The following SOHLH1 variants were observed in gnomAD, a reference collection of about 807,000 sequenced individuals.
SOHLH1 encodes the protein spermatogenesis- and oogenesis-specific basic helix-loop-helix-containing protein 1.
A neutral mutation model predicts 36.2 loss-of-function variants in SOHLH1; 23 were observed. The ratio of observed to expected loss-of-function variants is 0.64; its 90% CI spans 0.46 to 0.90. The LOEUF (loss-of-function observed/expected upper bound fraction) is 0.90, where lower values mean the gene tolerates loss of function less well. Ranked by LOEUF, SOHLH1 falls within the 40% of genes least tolerant of loss-of-function variation. SOHLH1 has a pLI of 0.00. For synonymous variants in SOHLH1, 289 were observed against 228.3 expected (o/e 1.27, Z -2.40); for missense variants, 608 against 517.0 (o/e 1.18, Z -1.71).
rs1834951803 is a variant in SOHLH1 at position 135,699,436 on chromosome 9, T to A, written c.32A>T (p.Glu11Val). 6.2e-7 allele frequency: 1 copy of A among 1,612,186 alleles called. No individual in the cohort carries two copies. The highest frequency in any genetic ancestry group is 8.5e-7 in the Non-Finnish European group (1 of 1,179,816). Residue 11 changes from glutamate to valine, a missense_variant, in exon 1 of 8, where the codon GAG becomes GTG. Glu to Val is a moderately radical substitution (Grantham distance 121). Transcript: ENST00000425225. MASRCSEPYP[E>V]VSRIPTVRGC... ...CCTGACGGTAGGGATTCTGGAGACCTCCGGGTAGGGCTCGGAGCACCGGGA... is the reference window on the plus strand; with the variant it reads ...CCTGACGGTAGGGATTCTGGAGACCACCGGGTAGGGCTCGGAGCACCGGGA...
chr9:135,698,624 A>G (rs1834905764), intron 2 of SOHLH1, 148 bp from the exon 3 acceptor site: 1 of 1,203,526 alleles, frequency 8.3e-7, no homozygotes, highest in Non-Finnish European at 1.2e-6. Context: ...CGTGGTCTGA[A>G]GCCCCGAGAT....
At chr9:135,695,958 G>A (rs1392126646) in intron 5 of SOHLH1, among the ~76,000 whole-genome samples, 1 of 152,196 alleles carries the variant, frequency 6.6e-6, no homozygotes, top group African/African-American at 2.4e-5. Flanking sequence ...GGGCAGATGG[G>A]GCGCCCCGGG....
chr9:135,697,149 C>T (rs1455418692), intron 4 of SOHLH1, among the ~76,000 whole-genome samples: 1 of 152,230 alleles, frequency 6.6e-6, no homozygotes, highest in African/African-American at 2.4e-5. Flanking sequence ...ACCAAATTAT[C>T]TTGACTTCAG....
At chr9:135,696,515 C>CG (rs1333121890) in intron 5 of SOHLH1, 97 bp downstream of exon 5, 2 of 1,424,690 alleles carry the variant, frequency 1.4e-6, no homozygotes, top group African/African-American at 2.9e-5. Flanking sequence ...AACTTCGAAC[C>CG]CCGTTTGCAA....
In SOHLH1 at chr9:135,696,673, C is replaced by A. The variant is rs374493888; in HGVS notation, c.600G>T (p.Thr200=). The A allele has an allele frequency of 6.2e-7, 1 of 1,612,908 alleles. No individual in the cohort carries two copies. Among genetic ancestry groups the A allele is most frequent in the South Asian group, 1.1e-5 (1 of 91,060 alleles). Residue 200 remains threonine, a synonymous_variant, in exon 5 of 8, where the codon ACG becomes ACT. Coordinates refer to ENST00000425225, the MANE Select transcript of SOHLH1 (RefSeq NM_001101677.2). ...WDPASCTSLG[T]DKCEALLGLC... ...GCCCCAACAGTGCCTCACACTTGTCCGTGCCCAGGGACGTGCAGCTCGCGG... is the reference window on the plus strand; with the variant it reads ...GCCCCAACAGTGCCTCACACTTGTCAGTGCCCAGGGACGTGCAGCTCGCGG...
chr9:135,697,961 G>A (rs928039705), intron 3 of SOHLH1, among the ~76,000 whole-genome samples: 3 of 64,938 alleles, frequency 4.6e-5, no homozygotes, highest in Non-Finnish European at 1.1e-4. Context: ...CCTTGGAGAG[G>A]GGAGAGGAGC....
chr9:135,693,759 A>T lies in SOHLH1; in HGVS notation c.1002T>A (p.Ser334Arg). The part of the protein sequence containing the change: ...SGPAWAPAES[S>R]PLDVGEPGFL... ...AGCCTGGCTCTCCAACATCCAGTGG[A>T]CTGCTCTCAGCTGGGGCCCATGCAG... Residue 334 changes from serine to arginine, a missense_variant, in exon 8 of 8, where the codon AGT becomes AGA. Physicochemically the swap from Ser to Arg is moderately radical, Grantham distance 110. Coordinates refer to ENST00000425225, the MANE Select transcript of SOHLH1 (RefSeq NM_001101677.2). The T allele has an allele frequency of 6.3e-7, 1 of 1,579,906 alleles. No individual in the cohort carries two copies. Among genetic ancestry groups the T allele is most frequent in the Non-Finnish European group, 8.6e-7 (1 of 1,163,820 alleles).
intron 7 of SOHLH1, chr9:135,694,154 C>T (rs545889226): frequency 1.4e-5 from 20 of 1,435,734 alleles, no homozygotes; most frequent in Middle Eastern, 2.6e-4. Flanking sequence ...CTCCAAGCAC[C>T]GCCAGCTCTC....
At chr9:135,697,925 C>G (rs1834872127) in intron 3 of SOHLH1, among the ~76,000 whole-genome samples, 1 of 151,744 alleles carries the variant, frequency 6.6e-6, no homozygotes, top group Non-Finnish European at 1.5e-5. Context: ...CCCCAGCACT[C>G]ACGGGGTCAG....
At chr9:135,698,155 G>A (rs998385282) in intron 3 of SOHLH1, among the ~76,000 whole-genome samples, 174 bp downstream of exon 3, 1 of 152,184 alleles carries the variant, frequency 6.6e-6, no homozygotes, top group Non-Finnish European at 1.5e-5. Flanking sequence ...ATAACAACAG[G>A]TAAGGCTTGA....
rs1834679913 is a variant in SOHLH1, at chr9:135,693,693, G to C, written c.1068C>G (p.Asp356Glu). Residue 356 changes from aspartate to glutamate, a missense_variant, in exon 8 of 8, where the codon GAC becomes GAG. Physicochemically the swap from Asp to Glu is conservative, Grantham distance 45. Transcript: ENST00000425225. ...DPELGSQELQDSPLEPWGLDV... is the reference protein window; with the variant it reads ...DPELGSQELQESPLEPWGLDV... ...CCAGGCCCCACGGCTCCAGAGGGCT[G>C]TCCTGGAGCTCCTGGGAGCCAAGCT... 4.4e-6 allele frequency: 7 copies of C among 1,578,758 alleles called. No individual in the cohort carries two copies. The highest frequency in any genetic ancestry group is 6.0e-6 in the Non-Finnish European group (7 of 1,163,180).
chr9:135,694,775 G>A (rs905801725), intron 6 of SOHLH1, among the ~76,000 whole-genome samples: 4 of 130,830 alleles, frequency 3.1e-5, no homozygotes, highest in Admixed American at 2.5e-4. Context: ...ATGTGCTCAC[G>A]AAACACAAAC....
chr9:135,695,532 G>A (rs1165190302), intron 5 of SOHLH1, among the ~76,000 whole-genome samples: 2 of 152,134 alleles, frequency 1.3e-5, no homozygotes, highest in East Asian at 3.9e-4. Context: ...CAGCCGCAAG[G>A]GGCTTGGATC....
At chr9:135,699,929 G>A (rs1834975126), upstream of SOHLH1, among the ~76,000 whole-genome samples, 1 of 149,302 alleles carries the variant, frequency 6.7e-6, no homozygotes, top group Non-Finnish European at 1.5e-5. Flanking sequence ...GGGACACAGG[G>A]AGGGGGAAGG....
At chr9:135,694,904 C>T in intron 6 of SOHLH1, 146 bp downstream of exon 6, 1 of 928,434 alleles carries the variant, frequency 1.1e-6, no homozygotes, top group Non-Finnish European at 1.6e-6. Context: ...TGGCCTTGGC[C>T]TCCCTCCCAC....
intron 3 of SOHLH1, among the ~76,000 whole-genome samples, chr9:135,697,976 CTCTT>C (rs1187016009): frequency 1.6e-4 from 6 of 38,350 alleles, no homozygotes; most frequent in East Asian, 4.5e-3. Context: ...AGGAGCCTCT[CTCTT>C]GGAGACGTGC....
Position 135,694,395 on chromosome 9 carries a change from G to A in SOHLH1, c.938C>T (p.Ser313Leu), listed in dbSNP as rs538962017. Residue 313 changes from serine (S) to leucine (L), a missense_variant, in exon 7 of 8, where the codon TCG becomes TTG. Ser to Leu is a moderately radical substitution (Grantham distance 145). Transcript: ENST00000425225. ...CCCAGGGCCCCACTCACCCGGCCACGAGCTGGGACCAGCAGTCAGCAGGAA... is the reference window on the plus strand; with the variant it reads ...CCCAGGGCCCCACTCACCCGGCCACAAGCTGGGACCAGCAGTCAGCAGGAA... Reference protein sequence around the residue: ...TSFLLTAGPSSWPGSLEGRGG... With the variant: ...TSFLLTAGPSLWPGSLEGRGG... 91 of 1,612,758 alleles carry A rather than the reference G, an allele frequency of 5.6e-5. No homozygotes were observed. Among genetic ancestry groups the A allele is most frequent in the Non-Finnish European group, 7.1e-5 (84 of 1,179,936 alleles).
Position 135,693,436 on chromosome 9 carries a change from CTCTT to C in SOHLH1, c.*157_*160del. 1 of 1,046,202 alleles carries C rather than the reference CTCTT, an allele frequency of 9.6e-7. No homozygotes were observed. The highest frequency in any genetic ancestry group is 1.3e-6 in the Non-Finnish European group (1 of 750,890). The allele number at this position is 1,046,202 out of a possible 1,614,324, so 64.8% of individuals were successfully genotyped here. ...GCTTCCTCCAGGAAAACTGCTTTCCCTCTTTAATATTCACTATCCTCTTCTCACA... is the reference window on the plus strand; with the variant it reads ...GCTTCCTCCAGGAAAACTGCTTTCCCTAATATTCACTATCCTCTTCTCACA... On this transcript the variant is annotated 3_prime_UTR_variant, in exon 8 of 8. Transcript: ENST00000425225.
Position 135,698,406 on chromosome 9 carries a change from T to C in SOHLH1, c.268A>G (p.Met90Val). Residue 90 changes from methionine to valine, a missense_variant, in exon 3 of 8, where the codon ATG (methionine) becomes GTG (valine). By Grantham distance (21) the Met-to-Val change is conservative. Coordinates refer to ENST00000425225, the MANE Select transcript of SOHLH1 (RefSeq NM_001101677.2). ...ACAGACATCTCCAGGACCGAGGCCA[T>C]GTCCTCCCGCCGGCCATCGAACTGG... ...LPQFDGRRED[M>V]ASVLEMSVQF... 1.2e-6 allele frequency: 2 copies of C among 1,613,088 alleles called. No homozygotes were observed. The highest frequency in any genetic ancestry group is 1.7e-6 in the Non-Finnish European group (2 of 1,180,026).
Sources: gnomAD v4.1 joint callset for allele counts (sites outside exome capture counted in the v4.1 genomes callset) on GRCh38, gnomAD v4.1.1 for gene constraint, MANE v1.5 for transcripts, NCBI Gene and HGNC (gene_info 2026-07-23, HGNC 2026-07-21) for gene names.